Variants in CPA6 observed in about 807,000 individuals in gnomAD.
CPA6 encodes carboxypeptidase A6.
CPA6 carries 58 observed loss-of-function variants against 63.3 expected under a neutral mutation model. That is an observed-to-expected ratio of 0.92 (90% CI 0.74 to 1.14). The LOEUF (loss-of-function observed/expected upper bound fraction) is 1.14. Among genes scored for constraint, CPA6 ranks in the 50% most tolerant of loss-of-function variants. CPA6 has a pLI of 0.00. For synonymous variants in CPA6, 185 were observed against 179.0 expected (o/e 1.03, Z -0.27); for missense variants, 565 against 526.6 (o/e 1.07, Z -0.71).
intron 2 of CPA6, among the ~76,000 whole-genome samples, chr8:67,534,909 G>A (rs968102535): frequency 1.6e-4 from 22 of 137,632 alleles, no homozygotes; most frequent in African/African-American, 4.3e-4. Context: ...GATGTTCCCC[G>A]CCTTGTGCCC....
At chr8:67,572,929 C>T (rs1813522857) in intron 2 of CPA6, among the ~76,000 whole-genome samples, 1 of 152,196 alleles carries the variant, frequency 6.6e-6, no homozygotes, top group Non-Finnish European at 1.5e-5. Context: ...GGATCAATCA[C>T]CATCAAGTGG....
chr8:67,500,947 A>G (rs1195600979), intron 6 of CPA6, among the ~76,000 whole-genome samples: 1 of 151,716 alleles, frequency 6.6e-6, no homozygotes, highest in African/African-American at 2.4e-5. Context: ...AATACCACAC[A>G]CTCTTAATTA....
intron 2 of CPA6, among the ~76,000 whole-genome samples, chr8:67,546,707 A>G (rs1363325400): frequency 2.0e-5 from 3 of 152,116 alleles, no homozygotes; most frequent in Non-Finnish European, 4.4e-5. Context: ...ATTTTTAGAG[A>G]TGGGTGTCTC....
At chr8:67,551,403 A>G (rs145471515) in intron 2 of CPA6, among the ~76,000 whole-genome samples, 280 of 152,320 alleles carry the variant, frequency 1.8e-3, no homozygotes, top group African/African-American at 6.0e-3. Flanking sequence ...TACTAGTACC[A>G]TGCTGTTTTG....
At chr8:67,492,779 G>A (rs1811634930) in intron 6 of CPA6, among the ~76,000 whole-genome samples, 1 of 152,096 alleles carries the variant, frequency 6.6e-6, no homozygotes, top group Non-Finnish European at 1.5e-5. Flanking sequence ...CTATTATTAG[G>A]TAGCGGAGTA....
At chr8:67,526,981 T>C (rs1429530544) in intron 2 of CPA6, among the ~76,000 whole-genome samples, 6 of 152,178 alleles carry the variant, frequency 3.9e-5, no homozygotes, top group Non-Finnish European at 2.9e-5. Context: ...TAGCTTAAAA[T>C]AATCCTCTAC....
At chr8:67,492,822 C>A (rs986249872) in intron 6 of CPA6, among the ~76,000 whole-genome samples, 2 of 151,986 alleles carry the variant, frequency 1.3e-5, no homozygotes, top group African/African-American at 4.8e-5. Context: ...TTTAGTCAAA[C>A]TGAAACTAAA....
intron 9 of CPA6, 139 bp downstream of exon 9, chr8:67,433,899 T>C: frequency 1.6e-6 from 1 of 638,160 alleles, no homozygotes; most frequent in South Asian, 2.0e-5. Context: ...TAATGAAGAA[T>C]AAATGAATTA....
At chr8:67,453,933 A>T (rs1184154602) in intron 8 of CPA6, among the ~76,000 whole-genome samples, 1 of 152,206 alleles carries the variant, frequency 6.6e-6, no homozygotes, top group Non-Finnish European at 1.5e-5. Flanking sequence ...CCTTGAGTCG[A>T]TGCTGTTTGC....
intron 8 of CPA6, among the ~76,000 whole-genome samples, chr8:67,435,299 C>G (rs1284628130): frequency 6.6e-6 from 1 of 152,092 alleles, no homozygotes; most frequent in Non-Finnish European, 1.5e-5. Context: ...GGGCTGGACC[C>G]ACTTTACCTG....
At chr8:67,650,808 C>T (rs1815819637) in intron 1 of CPA6, among the ~76,000 whole-genome samples, 1 of 152,118 alleles carries the variant, frequency 6.6e-6, no homozygotes, top group Admixed American at 6.5e-5. Context: ...TCACAAATTG[C>T]ACAGAGGATT....
At chr8:67,511,482 G>C in intron 4 of CPA6, 59 bp downstream of exon 4, 1 of 931,734 alleles carries the variant, frequency 1.1e-6, no homozygotes, top group Non-Finnish European at 1.8e-6. Flanking sequence ...TTCTCCCTTA[G>C]ACCTAAATGA....
chr8:67,455,067 T>A (rs1342314825), intron 8 of CPA6, among the ~76,000 whole-genome samples: 1 of 152,038 alleles, frequency 6.6e-6, no homozygotes, highest in Non-Finnish European at 1.5e-5. Flanking sequence ...CGATTTTAAT[T>A]AAAAAATAAA....
chr8:67,443,315 C>T (rs1257869592), intron 8 of CPA6, among the ~76,000 whole-genome samples: 1 of 152,184 alleles, frequency 6.6e-6, no homozygotes, highest in Non-Finnish European at 1.5e-5. Flanking sequence ...CCGCCTCAGC[C>T]TCCCAAAGTT....
rs186735234 is a variant in CPA6, at chr8:67,591,226, G to T, written c.192+32950C>A. 3.5e-3 allele frequency among the ~76,000 whole-genome samples: 525 copies of T among 152,096 alleles called. 5 individuals are homozygous for T. Among genetic ancestry groups the T allele is most frequent in the African/African-American group, 0.011 (455 of 41,440 alleles). ...TGCGGCATTATTTCTGAGGGCTCTG[G>T]TGTGTTCCATTGATCTATATCTCTG... On this transcript the variant is annotated intron_variant, in intron 2 of 10. Transcript: ENST00000297770.
At chr8:67,637,545 C>A (rs969405110) in intron 1 of CPA6, among the ~76,000 whole-genome samples, 1 of 151,390 alleles carries the variant, frequency 6.6e-6, no homozygotes, top group African/African-American at 2.5e-5. Context: ...CAGTGGAGAA[C>A]AAACTATTTA....
At chr8:67,678,449 A>G (rs1219959859) in intron 1 of CPA6, among the ~76,000 whole-genome samples, 2 of 152,172 alleles carry the variant, frequency 1.3e-5, no homozygotes. Context: ...ATAACCCAAT[A>G]AAAATATGAG....
chr8:67,471,355 C>T (rs1503368), intron 8 of CPA6, among the ~76,000 whole-genome samples: 47,473 of 151,986 alleles, frequency 0.31, 7,552 homozygotes, highest in Middle Eastern at 0.45. Context: ...CTGTTTTCCC[C>T]AATAATCAGC....
chr8:67,502,167 T>C (rs1811841882), intron 6 of CPA6, among the ~76,000 whole-genome samples: 8 of 152,116 alleles, frequency 5.3e-5, no homozygotes, highest in Admixed American at 5.2e-4. Flanking sequence ...ATTTTATCTA[T>C]CTTTTAAAAT....
Sources: gnomAD v4.1 joint callset for allele counts (sites outside exome capture counted in the v4.1 genomes callset) on GRCh38, gnomAD v4.1.1 for gene constraint, MANE v1.5 for transcripts, NCBI Gene and HGNC (gene_info 2026-07-23, HGNC 2026-07-21) for gene names.